The following AGBL4 variants were observed in gnomAD, a reference collection of about 807,000 sequenced individuals.
AGBL4 encodes the protein AGBL carboxypeptidase 4.
Under a neutral mutation model 66.4 loss-of-function variants are expected in AGBL4, and 58 were observed. The ratio of observed to expected loss-of-function variants is 0.87; its 90% CI spans 0.71 to 1.09. The LOEUF (loss-of-function observed/expected upper bound fraction) is 1.09, where lower values mean the gene tolerates loss of function less well. Among genes scored for constraint, AGBL4 ranks in the 50% least tolerant of loss-of-function variants. The pLI is 0.00. For synonymous variants in AGBL4, 234 were observed against 222.9 expected (o/e 1.05, Z -0.44); for missense variants, 579 against 631.0 (o/e 0.92, Z 0.88).
intron 5 of AGBL4, among the ~76,000 whole-genome samples, chr1:48,950,785 T>C (rs1303033877): frequency 2.0e-5 from 3 of 152,164 alleles, no homozygotes. Flanking sequence ...TTAGACACAA[T>C]CTTATAATCT....
chr1:49,481,420 C>T (rs1475471068), intron 3 of AGBL4, among the ~76,000 whole-genome samples: 2 of 151,866 alleles, frequency 1.3e-5, no homozygotes, highest in Admixed American at 1.3e-4. Flanking sequence ...TGATTTGGCT[C>T]TTGGCTTGAC....
intron 5 of AGBL4, among the ~76,000 whole-genome samples, chr1:48,927,670 G>A (rs771061416): frequency 1.3e-5 from 2 of 152,174 alleles, no homozygotes; most frequent in Non-Finnish European, 2.9e-5. Flanking sequence ...AGACAGAAGC[G>A]AAAGGAACTA....
intron 4 of AGBL4, among the ~76,000 whole-genome samples, chr1:49,166,006 C>CAAG (rs1646627504): frequency 6.6e-6 from 1 of 152,048 alleles, no homozygotes; most frequent in Non-Finnish European, 1.5e-5. Flanking sequence ...TGGACCCTTT[C>CAAG]AAGAAGAAAA....
At chr1:49,751,999 A>G (rs1293105150) in intron 2 of AGBL4, among the ~76,000 whole-genome samples, 3 of 139,578 alleles carry the variant, frequency 2.1e-5, no homozygotes, top group Admixed American at 1.4e-4. Flanking sequence ...CTTGTGGTCT[A>G]TTTTATTAAT....
intron 3 of AGBL4, among the ~76,000 whole-genome samples, chr1:49,576,397 G>A (rs930513358): frequency 1.2e-4 from 18 of 152,180 alleles, no homozygotes; most frequent in African/African-American, 3.4e-4. Flanking sequence ...ATGCTGTTTG[G>A]AGCCTTTAGC....
chr1:49,412,682 ACTT>A (rs948347680), intron 3 of AGBL4, among the ~76,000 whole-genome samples: 2 of 152,176 alleles, frequency 1.3e-5, no homozygotes, highest in Non-Finnish European at 2.9e-5. Flanking sequence ...GTGGAGTTGA[ACTT>A]CTTAAGAGTA....
chr1:49,205,230 A>G (rs941054315), intron 4 of AGBL4, among the ~76,000 whole-genome samples: 17 of 152,226 alleles, frequency 1.1e-4, no homozygotes, highest in African/African-American at 3.9e-4. Flanking sequence ...CTCTTTGGAA[A>G]TCCCATATTT....
chr1:49,194,303 C>T (rs1310802790), intron 4 of AGBL4, among the ~76,000 whole-genome samples: 2 of 151,482 alleles, frequency 1.3e-5, no homozygotes, highest in African/African-American at 4.9e-5. Context: ...TTTTGATTTA[C>T]AGTCAGTTTT....
intron 6 of AGBL4, among the ~76,000 whole-genome samples, chr1:48,811,611 AT>A (rs1176947586): frequency 6.6e-6 from 1 of 152,096 alleles, no homozygotes; most frequent in Non-Finnish European, 1.5e-5. Flanking sequence ...TTCAACTAGT[AT>A]TTTTTTAAGT....
chr1:48,813,761 C>T (rs931270192), intron 6 of AGBL4, among the ~76,000 whole-genome samples: 2 of 151,808 alleles, frequency 1.3e-5, no homozygotes, highest in African/African-American at 4.8e-5. Context: ...AAGGTGGATC[C>T]TAGTACTAGA....
intron 3 of AGBL4, among the ~76,000 whole-genome samples, chr1:49,633,651 T>C (rs1355861951): frequency 6.6e-6 from 1 of 151,994 alleles, no homozygotes; most frequent in East Asian, 1.9e-4. Context: ...AGAGTGAGAC[T>C]GTCTCAAAAA....
Position 49,514,779 on chromosome 1 carries a change from A to C in AGBL4, c.282+182534T>G, listed in dbSNP as rs1371480802. On this transcript the variant is annotated intron_variant, in intron 3 of 13. Transcript: ENST00000371839. ...TTTGACAAACCTGACAAAAACAAGC[A>C]ATAGGGAAACGATTCCCAATTTAAT... Among the ~76,000 whole-genome samples, 2 of 152,146 alleles carry C rather than the reference A, an allele frequency of 1.3e-5. 1 individual carries two copies. Among genetic ancestry groups the C allele is most frequent in the Non-Finnish European group, 2.9e-5 (2 of 68,020 alleles).
intron 6 of AGBL4, among the ~76,000 whole-genome samples, chr1:48,734,136 G>C (rs1056756790): frequency 6.6e-6 from 1 of 152,174 alleles, no homozygotes; most frequent in Non-Finnish European, 1.5e-5. Context: ...ACAGCAGCAA[G>C]ACGAAAGGTT....
intron 3 of AGBL4, among the ~76,000 whole-genome samples, chr1:49,279,341 T>G (rs988139300): frequency 2.0e-5 from 3 of 152,178 alleles, no homozygotes; most frequent in African/African-American, 4.8e-5. Flanking sequence ...GGCGCTGTCT[T>G]CAACTCAGCA....
At chr1:49,749,834 G>A (rs1021963892) in intron 2 of AGBL4, among the ~76,000 whole-genome samples, 19 of 152,200 alleles carry the variant, frequency 1.2e-4, no homozygotes, top group African/African-American at 2.4e-4. Flanking sequence ...AAGCCTTTTC[G>A]TAGACATTGA....
chr1:49,137,020 T>C (rs571690789), intron 4 of AGBL4, among the ~76,000 whole-genome samples: 1 of 152,308 alleles, frequency 6.6e-6, no homozygotes, highest in South Asian at 2.1e-4. Context: ...AAGCAGAGAA[T>C]GCTTTATGAA....
intron 3 of AGBL4, among the ~76,000 whole-genome samples, chr1:49,517,292 T>C (rs1649905902): frequency 6.6e-6 from 1 of 151,596 alleles, no homozygotes; most frequent in African/African-American, 2.4e-5. Flanking sequence ...TTTATATGAA[T>C]TCTAAAACTC....
rs141027291 is a variant in AGBL4, at chr1:49,916,985, G to A, written c.35-65467C>T. ...TAGAATTTTTATCCACCCAAACTAA[G>A]CTTCATAAAAGTGAAGGAGAAATAA... is the stretch of plus-strand genomic sequence containing the variant. On this transcript the variant is annotated intron_variant, in intron 1 of 13. Coordinates refer to ENST00000371839, the MANE Select transcript of AGBL4 (RefSeq NM_032785.4). Among the ~76,000 whole-genome samples, 1,218 of 152,238 alleles carry A rather than the reference G, an allele frequency of 8.0e-3. 8 individuals are homozygous for A. Among genetic ancestry groups the A allele is most frequent in the Middle Eastern group, 0.031 (9 of 292 alleles).
At chr1:49,745,067 A>G (rs1298854432) in intron 2 of AGBL4, among the ~76,000 whole-genome samples, 3 of 152,146 alleles carry the variant, frequency 2.0e-5, no homozygotes, top group African/African-American at 7.2e-5. Context: ...TTCATCATTC[A>G]TTAAATTAAA....
Sources: allele counts gnomAD v4.1 joint callset (sites outside exome capture counted in the v4.1 genomes callset), GRCh38; gene constraint gnomAD v4.1.1; transcripts MANE v1.5; gene names NCBI Gene and HGNC (gene_info 2026-07-23, HGNC 2026-07-21).